Variants in SBF2 observed in about 807,000 individuals in gnomAD.
The protein encoded by SBF2 is myotubularin-related protein 13.
In SBF2, 112 loss-of-function variants were observed where a neutral mutation model predicts 225.2. That is an observed-to-expected ratio of 0.50 (90% CI 0.43 to 0.58). SBF2 has a LOEUF of 0.58. Among genes scored for constraint, SBF2 ranks in the 20% least tolerant of loss-of-function variants. The pLI, the probability that SBF2 is intolerant of heterozygous loss-of-function variation, is 0.00. For synonymous variants in SBF2, 763 were observed against 773.3 expected (o/e 0.99, Z 0.22); for missense variants, 1,996 against 2,206.2 (o/e 0.90, Z 1.91).
chr11:10,239,645 A>T (rs886330936), intron 1 of SBF2, among the ~76,000 whole-genome samples: 1 of 150,592 alleles, frequency 6.6e-6, no homozygotes, highest in Non-Finnish European at 1.5e-5. Context: ...TACTAATTAC[A>T]TTTTGAAAAA....
chr11:10,282,485 G>C (rs1963481131), intron 1 of SBF2, among the ~76,000 whole-genome samples: 1 of 151,986 alleles, frequency 6.6e-6, no homozygotes, highest in African/African-American at 2.4e-5. Flanking sequence ...TCTCTACCTT[G>C]ATTATAGACC....
chr11:9,803,293 C>T (rs543420124), intron 32 of SBF2, among the ~76,000 whole-genome samples: 151 of 151,848 alleles, frequency 9.9e-4, no homozygotes, highest in African/African-American at 3.5e-3. Context: ...TAAGCATATA[C>T]CCCAAATTGT....
At chr11:10,156,391 G>A (rs1332387699) in intron 2 of SBF2, among the ~76,000 whole-genome samples, 11 of 152,332 alleles carry the variant, frequency 7.2e-5, no homozygotes, top group Admixed American at 3.9e-4. Flanking sequence ...ACAGCATGTC[G>A]ATGGCAGTGG....
chr11:10,147,597 G>C (rs138847358), intron 2 of SBF2, among the ~76,000 whole-genome samples: 1 of 151,992 alleles, frequency 6.6e-6, no homozygotes, highest in Non-Finnish European at 1.5e-5. Flanking sequence ...GAGAGAATCA[G>C]GAAAAATAAC....
chr11:10,229,451 A>C (rs1473695903), intron 1 of SBF2, among the ~76,000 whole-genome samples: 1 of 152,190 alleles, frequency 6.6e-6, no homozygotes, highest in Admixed American at 6.5e-5. Context: ...ATGGGCATTT[A>C]GTGCTATAAC....
intron 17 of SBF2, among the ~76,000 whole-genome samples, chr11:9,864,499 G>A (rs1858024290): frequency 6.6e-6 from 1 of 152,052 alleles, no homozygotes; most frequent in African/African-American, 2.4e-5. Flanking sequence ...CAATCCTCTT[G>A]CCTCAGCCTC....
intron 2 of SBF2, among the ~76,000 whole-genome samples, chr11:10,145,466 G>C (rs1591062527): frequency 1.3e-5 from 2 of 151,982 alleles, no homozygotes; most frequent in East Asian, 3.9e-4. Context: ...AGAAGAAAGA[G>C]GTATACATCT....
chr11:10,146,042 G>A (rs569432852), intron 2 of SBF2, among the ~76,000 whole-genome samples: 1 of 152,190 alleles, frequency 6.6e-6, no homozygotes, highest in East Asian at 1.9e-4. Flanking sequence ...TCTACAATGA[G>A]AATTACAAAA....
chr11:10,081,809 T>G (rs1426551408), intron 2 of SBF2, among the ~76,000 whole-genome samples: 1 of 149,922 alleles, frequency 6.7e-6, no homozygotes, highest in African/African-American at 2.4e-5. Flanking sequence ...AACCTGACAT[T>G]GTATCTCAAG....
chr11:9,781,317 C>T (rs1367785705), intron 39 of SBF2, among the ~76,000 whole-genome samples, 190 bp downstream of exon 39: 2 of 152,204 alleles, frequency 1.3e-5, no homozygotes, highest in African/African-American at 2.4e-5. Flanking sequence ...CTGAGACATA[C>T]AGACAGGAAG....
At chr11:10,037,823 A>G (rs1949505883) in intron 3 of SBF2, among the ~76,000 whole-genome samples, 1 of 152,004 alleles carries the variant, frequency 6.6e-6, no homozygotes, top group Non-Finnish European at 1.5e-5. Context: ...AGCTAAATCT[A>G]TACACTGTTT....
At chr11:9,832,091 TGTAGCAAAGTG>T in intron 27 of SBF2, 122 bp downstream of exon 27, 1 of 754,174 alleles carries the variant, frequency 1.3e-6, no homozygotes, top group Non-Finnish European at 2.3e-6. Flanking sequence ...ACATGTTGCA[TGTAGCAAAGTG>T]GAAAAGTTTG....
At chr11:10,248,755 T>C (rs537928023) in intron 1 of SBF2, among the ~76,000 whole-genome samples, 13 of 152,362 alleles carry the variant, frequency 8.5e-5, no homozygotes, top group Non-Finnish European at 1.5e-4. Context: ...AGGAAAAATC[T>C]AAAGGTTTAA....
intron 17 of SBF2, among the ~76,000 whole-genome samples, chr11:9,885,755 A>T (rs1318688053): frequency 6.6e-6 from 1 of 152,170 alleles, no homozygotes; most frequent in Non-Finnish European, 1.5e-5. Context: ...TGTTGTAAAA[A>T]TTTTATTTTT....
chr11:9,815,920 C>T (rs1854432428), intron 29 of SBF2, among the ~76,000 whole-genome samples: 1 of 152,210 alleles, frequency 6.6e-6, no homozygotes, highest in Non-Finnish European at 1.5e-5. Context: ...CACTAGCCTG[C>T]TCCAGAAGAG....
chr11:10,014,135 G>A (rs1044553267), intron 6 of SBF2, among the ~76,000 whole-genome samples: 2 of 152,140 alleles, frequency 1.3e-5, no homozygotes, highest in Non-Finnish European at 2.9e-5. Flanking sequence ...TCTCTTTGGT[G>A]AGAAATGGTA....
chr11:9,812,602 G>A lies in SBF2; in HGVS notation c.4085C>T (p.Pro1362Leu). 1 of 1,614,204 alleles carries A rather than the reference G, an allele frequency of 6.2e-7. No homozygotes were observed. Among genetic ancestry groups the A allele is most frequent in the Non-Finnish European group, 8.5e-7 (1 of 1,180,030 alleles). ...SFKKLMRACI[P>L]STIPTDSEVT... Reference sequence around the variant, plus strand: ...TTCTGAGTCAGTAGGGATGGTGCTTGGGATACAAGCCCTCATCAGCTTCTT... The same window carrying A: ...TTCTGAGTCAGTAGGGATGGTGCTTAGGATACAAGCCCTCATCAGCTTCTT... Residue 1362 changes from proline to leucine, a missense_variant, in exon 30 of 40, where the codon CCA becomes CTA. By Grantham distance (98) the Pro-to-Leu change is moderately conservative. Transcript: ENST00000256190.
At position 9,993,958 on chromosome 11, in the gene SBF2, G is replaced by A. The variant is rs149794117; in HGVS notation, c.1016C>T (p.Pro339Leu). ...PDLEVADHAFPPPRTALSHSK... is the reference protein window; with the variant it reads ...PDLEVADHAFLPPRTALSHSK... Reference sequence around the variant, plus strand: ...GTGGGATAAAGCTGTTCGTGGAGGAGGAAAAGCATGATCTGCTACTTCCAA... The same window carrying A: ...GTGGGATAAAGCTGTTCGTGGAGGAAGAAAAGCATGATCTGCTACTTCCAA... Residue 339 changes from proline (P) to leucine (L), a missense_variant, in exon 10 of 40, where the codon CCT becomes CTT. Transcript: ENST00000256190. 5 of 1,239,326 alleles carry A rather than the reference G, an allele frequency of 4.0e-6. No homozygotes were observed. The highest frequency in any genetic ancestry group is 1.5e-5 in the African/African-American group (1 of 67,794). 76.8% of individuals were successfully genotyped at this position (1,239,326 alleles called of 1,614,324 possible).
At chr11:10,214,395 G>A (rs558182947) in intron 1 of SBF2, among the ~76,000 whole-genome samples, 1 of 152,286 alleles carries the variant, frequency 6.6e-6, no homozygotes, top group African/African-American at 2.4e-5. Flanking sequence ...AGTCCGAGGC[G>A]GGCGGATCAC....
Sources: allele counts gnomAD v4.1 joint callset (sites outside exome capture counted in the v4.1 genomes callset), GRCh38; gene constraint gnomAD v4.1.1; transcripts MANE v1.5; gene names NCBI Gene and HGNC (gene_info 2026-07-23, HGNC 2026-07-21).